Variants in BAP1 observed in about 807,000 individuals in gnomAD.
The protein encoded by BAP1 is ubiquitin carboxyl-terminal hydrolase BAP1.
BAP1 carries 16 observed loss-of-function variants against 77.2 expected under a neutral mutation model. The observed-to-expected ratio is 0.21, with a 90% confidence interval of 0.14 to 0.31. The LOEUF (loss-of-function observed/expected upper bound fraction) is 0.31, where lower values mean the gene tolerates loss of function less well. Among genes scored for constraint, BAP1 ranks in the 10% least tolerant of loss-of-function variants. The pLI, the probability that BAP1 is intolerant of heterozygous loss-of-function variation, is 1.00. For synonymous variants in BAP1, 362 were observed against 385.2 expected (o/e 0.94, Z 0.71); for missense variants, 699 against 967.3 (o/e 0.72, Z 3.68).
At chr3:52,408,919 AGG>A (rs1705256710) in intron 3 of BAP1, among the ~76,000 whole-genome samples, 2 of 152,262 alleles carry the variant, frequency 1.3e-5, no homozygotes, top group Non-Finnish European at 2.9e-5. Flanking sequence ...AGGATGGGAC[AGG>A]GTAGGAACAC....
rs1559586874 is a variant in BAP1 at position 52,403,719 on chromosome 3, C to T, written c.1426G>A (p.Val476Met). 2 of 1,614,076 alleles carry T rather than the reference C, an allele frequency of 1.2e-6. No individual in the cohort carries two copies. The highest frequency in any genetic ancestry group is 1.1e-5 in the South Asian group (1 of 91,084). The change falls in exon 13 of 17, where the codon GTG becomes ATG. Residue 476 changes from valine (V) to methionine (M), a missense_variant. Around this residue, in one of 3 missense-constraint regions of BAP1, gnomAD observed 475 missense variants for 532.4 expected, o/e 0.89. Coordinates refer to ENST00000460680, the MANE Select transcript of BAP1 (RefSeq NM_004656.4). This position sits in a 1 kb window ranked among gnomAD's most constrained non-coding sequence, Gnocchi z 4.0. The stretch of plus-strand genomic sequence containing the variant: ...GGCTGCGAGTGTGTGGGCACTGCCA[C>T]AGCCGGACTCCCAGCCCCGCTGCTA... ...KTSSGAGSPA[V>M]AVPTHSQPSP...
At position 52,402,639 on chromosome 3, in the gene BAP1, C is replaced by T. The variant is rs1189904602; in HGVS notation, c.2019G>A (p.Glu673=). ...DDQRRTHNYD[E]FICTFISMLA... ...GCATGGAGATAAAGGTGCAGATGAA[C>T]TCATCGTAGTTGTGGGTCCTTCTCT... Residue 673 remains glutamate (E), a synonymous_variant, in exon 16 of 17, where the codon GAG becomes GAA. Coordinates refer to ENST00000460680, the MANE Select transcript of BAP1 (RefSeq NM_004656.4). This position sits in a 1 kb window ranked among gnomAD's most constrained non-coding sequence, Gnocchi z 5.3. The T allele has an allele frequency of 1.2e-6, 2 of 1,614,116 alleles. No homozygotes were observed. The highest frequency in any genetic ancestry group is 1.7e-5 in the Admixed American group (1 of 60,008).
chr3:52,402,101 G>C lies in BAP1; in HGVS notation c.*187C>G. 3.9e-6 allele frequency: 4 copies of C among 1,019,444 alleles called. No individual in the cohort carries two copies. Among genetic ancestry groups the C allele is most frequent in the Non-Finnish European group, 5.7e-6 (4 of 706,400 alleles). 63.1% of individuals were successfully genotyped at this position (1,019,444 alleles called of 1,614,324 possible). ...GATGCTGCCTCCTGAGCACTATGGG[G>C]CTGATCTGCCGTGTCAGGCCTCAGG... On this transcript the variant is annotated 3_prime_UTR_variant, in exon 17 of 17. Transcript: ENST00000460680. This position sits in a 1 kb window ranked among gnomAD's most constrained non-coding sequence, Gnocchi z 5.3.
At chr3:52,409,361 C>T (rs1310061870) in intron 3 of BAP1, among the ~76,000 whole-genome samples, 193 bp downstream of exon 3, 1 of 152,170 alleles carries the variant, frequency 6.6e-6, no homozygotes, top group Non-Finnish European at 1.5e-5. Flanking sequence ...AAAAGGGAAG[C>T]GCTAAGGAAA....
Position 52,404,464 on chromosome 3 carries a change from G to T in BAP1, c.1239C>A (p.Asn413Lys). The T allele has an allele frequency of 1.9e-6, 3 of 1,614,256 alleles. No individual in the cohort carries two copies. The highest frequency in any genetic ancestry group is 2.5e-6 in the Non-Finnish European group (3 of 1,180,050). Residue 413 changes from asparagine to lysine, a missense_variant, in exon 12 of 17, where the codon AAC becomes AAA. Around this residue, in one of 3 missense-constraint regions of BAP1, gnomAD observed 475 missense variants for 532.4 expected, o/e 0.89. Transcript: ENST00000460680. ...AAAGCTGGGCTGACCTAAGGGCAGA[G>T]TTGGTGTTCTGCACGTCATCCTCCT... ...DDEEDDVQNT[N>K]SALRYKGKGT... is the part of the protein sequence containing the mutation.
chr3:52,406,580 A>T lies in BAP1; in HGVS notation c.660-204T>A. The T allele has an allele frequency of 1.1e-6, 1 of 932,480 alleles. No individual in the cohort carries two copies. Among genetic ancestry groups the T allele is most frequent in the Non-Finnish European group, 1.6e-6 (1 of 613,378 alleles). The allele number at this position is 932,480 out of a possible 1,614,324, so 57.8% of individuals were successfully genotyped here. On this transcript the variant is annotated intron_variant, in intron 8 of 16. Transcript: ENST00000460680. The surrounding 1 kb of genome is among the most constrained non-coding windows in gnomAD (Gnocchi z 4.6). Reference sequence around the variant, plus strand: ...CAAGCTGTATGAGGGGCCTATCTGGAAGTGAACCAGCAGACCTGGGCTGCC... The same window carrying T: ...CAAGCTGTATGAGGGGCCTATCTGGTAGTGAACCAGCAGACCTGGGCTGCC...
In BAP1 at chr3:52,402,560, TCAG is replaced by T. The variant is rs1473268320; in HGVS notation, c.2056+39_2056+41del. 6.2e-7 allele frequency: 1 copy of T among 1,613,424 alleles called. No individual in the cohort carries two copies. The highest frequency in any genetic ancestry group is 1.7e-5 in the Admixed American group (1 of 60,028). On this transcript the variant is annotated intron_variant, in intron 16 of 16. Transcript: ENST00000460680. The surrounding 1 kb of genome is among the most constrained non-coding windows in gnomAD (Gnocchi z 5.3). Reference sequence around the variant, plus strand: ...GGAGGGGAGCTGAAGGACACGGCCCTCAGCAGGGCATTCCAGTTAAGACAGCAG... The same window carrying T: ...GGAGGGGAGCTGAAGGACACGGCCCTCAGGGCATTCCAGTTAAGACAGCAG...
chr3:52,406,800 G>A lies in BAP1; in HGVS notation c.659+29C>T, dbSNP rs756270701. On this transcript the variant is annotated intron_variant, in intron 8 of 16. Coordinates refer to ENST00000460680, the MANE Select transcript of BAP1 (RefSeq NM_004656.4). The surrounding 1 kb of genome is among the most constrained non-coding windows in gnomAD (Gnocchi z 4.6). ...CCCAAAGTAGGTACAGCTCCAGAGA[G>A]TAGAACAGGGCAGGCACAGGGCCCT... 6.4e-7 allele frequency: 1 copy of A among 1,551,294 alleles called. No homozygotes were observed. Among genetic ancestry groups the A allele is most frequent in the South Asian group, 1.2e-5 (1 of 84,102 alleles).
In BAP1 at chr3:52,407,992, C is replaced by T. The variant is rs773494626; in HGVS notation, c.341G>A (p.Arg114His). ...GAAACCCTTGGTGAAGTCCTTCATGCGACTCAGGGTGGGTCCCAGGTCCAC... is the reference window on the plus strand; with the variant it reads ...GAAACCCTTGGTGAAGTCCTTCATGTGACTCAGGGTGGGTCCCAGGTCCAC... The part of the protein sequence containing the change: ...SSVDLGPTLS[R>H]MKDFTKGFSP... The change falls in exon 5 of 17, where the codon CGC (arginine) becomes CAC (histidine). Residue 114 changes from arginine to histidine, a missense_variant. Physicochemically the swap from Arg to His is conservative, Grantham distance 29. Transcript: ENST00000460680. 21 of 1,613,796 alleles carry T rather than the reference C, an allele frequency of 1.3e-5. No individual in the cohort carries two copies. Among genetic ancestry groups the T allele is most frequent in the South Asian group, 1.1e-5 (1 of 91,054 alleles).
chr3:52,405,597 T>C, intron 10 of BAP1, 168 bp downstream of exon 10: 2 of 1,073,578 alleles, frequency 1.9e-6, no homozygotes, highest in South Asian at 3.0e-5. Context: ...CAGCGGCCCT[T>C]TACAGGTGCC....
intron 5 of BAP1, 121 bp downstream of exon 5, chr3:52,407,837 C>T: frequency 6.8e-7 from 1 of 1,460,658 alleles, no homozygotes; most frequent in Non-Finnish European, 9.4e-7. Context: ...GTAACATAAA[C>T]AATCATTTGA....
chr3:52,402,218 G>A lies in BAP1; in HGVS notation c.*70C>T. On this transcript the variant is annotated 3_prime_UTR_variant, in exon 17 of 17. Transcript: ENST00000460680. The surrounding 1 kb of genome is among the most constrained non-coding windows in gnomAD (Gnocchi z 5.3). Reference sequence around the variant, plus strand: ...TTCAGTAATACTGGGAAAAGGGGAAGTGGGGCAGGGAAGGACCCTGGTGAG... The same window carrying A: ...TTCAGTAATACTGGGAAAAGGGGAAATGGGGCAGGGAAGGACCCTGGTGAG... 1.9e-6 allele frequency: 3 copies of A among 1,564,276 alleles called. No homozygotes were observed. Among genetic ancestry groups the A allele is most frequent in the Non-Finnish European group, 8.6e-7 (1 of 1,156,836 alleles).
In BAP1 at chr3:52,406,151, AAG is replaced by A. The variant is rs1283627944; in HGVS notation, c.783+100_783+101del. ...GTGGTTAGCTGAAGCCCAGATCTAC[AAG>A]AGAGTATGTTCACGAATCAGAGACA... On this transcript the variant is annotated intron_variant, in intron 9 of 16. Coordinates refer to ENST00000460680, the MANE Select transcript of BAP1 (RefSeq NM_004656.4). This position sits in a 1 kb window ranked among gnomAD's most constrained non-coding sequence, Gnocchi z 4.6. The A allele has an allele frequency of 6.9e-6, 11 of 1,596,580 alleles. No homozygotes were observed. Among genetic ancestry groups the A allele is most frequent in the African/African-American group, 2.7e-5 (2 of 74,752 alleles).
chr3:52,405,160 G>A lies in BAP1; in HGVS notation c.1066C>T (p.Arg356Trp), dbSNP rs761029538. ...TGATTGTCTAGAAAGGCCGGCAGCC[G>A]CTGGACAATGGGAGTGGGGTTGGGG... is the stretch of plus-strand genomic sequence containing the variant. ...VHPNPTPIVQ[R>W]LPAFLDNHNY... The change falls in exon 11 of 17, where the codon CGG becomes TGG. Residue 356 changes from arginine to tryptophan, a missense_variant. By Grantham distance (101) the Arg-to-Trp change is moderately radical. Coordinates refer to ENST00000460680, the MANE Select transcript of BAP1 (RefSeq NM_004656.4). 13 of 1,614,022 alleles carry A rather than the reference G, an allele frequency of 8.1e-6. No homozygotes were observed. The highest frequency in any genetic ancestry group is 1.6e-4 in the Middle Eastern group (1 of 6,084).
rs748765525 is a variant in BAP1 at position 52,406,924 on chromosome 3, C to A, written c.581-17G>T. ...CCCAGGGCCCTAGTGGAGACCAAGA[C>A]AAGGAATCAGCGAGAAGGAAACCCT... is the stretch of plus-strand genomic sequence containing the variant. On this transcript the variant is annotated splice_polypyrimidine_tract_variant and intron_variant, in intron 7 of 16. Coordinates refer to ENST00000460680, the MANE Select transcript of BAP1 (RefSeq NM_004656.4). This position sits in a 1 kb window ranked among gnomAD's most constrained non-coding sequence, Gnocchi z 4.6. 17 of 1,566,190 alleles carry A rather than the reference C, an allele frequency of 1.1e-5. No individual in the cohort carries two copies. Among genetic ancestry groups the A allele is most frequent in the Non-Finnish European group, 1.4e-5 (16 of 1,154,506 alleles).
intron 12 of BAP1, 123 bp downstream of exon 12, chr3:52,404,330 G>T: frequency 6.5e-7 from 1 of 1,543,686 alleles, no homozygotes; most frequent in Non-Finnish European, 8.9e-7. Flanking sequence ...GCCTCCCCCA[G>T]GGCCCCAAAC....
rs1335001283 is a variant in BAP1 at position 52,403,531 on chromosome 3, C to T, written c.1614G>A (p.Leu538=). ...TGTAGCGTATGCAGTCAACACGCAGCAGGCTGTCATCCTCTCCAAAAAGCA... is the reference window on the plus strand; with the variant it reads ...TGTAGCGTATGCAGTCAACACGCAGTAGGCTGTCATCCTCTCCAAAAAGCA... ...SKVLFGEDDS[L]LRVDCIRYNR... Residue 538 remains leucine, a synonymous_variant, in exon 13 of 17, where the codon CTG becomes CTA. Coordinates refer to ENST00000460680, the MANE Select transcript of BAP1 (RefSeq NM_004656.4). This position sits in a 1 kb window ranked among gnomAD's most constrained non-coding sequence, Gnocchi z 4.0. 1.4e-5 allele frequency: 23 copies of T among 1,614,020 alleles called. No individual in the cohort carries two copies. The highest frequency in any genetic ancestry group is 1.9e-5 in the Non-Finnish European group (22 of 1,180,022).
chr3:52,401,656 A>T lies in BAP1; in HGVS notation c.*632T>A, dbSNP rs1031405323. 14 of 237,420 alleles carry T rather than the reference A, an allele frequency of 5.9e-5. No homozygotes were observed. The highest frequency in any genetic ancestry group is 3.1e-4 in the African/African-American group (14 of 45,370). The allele number at this position is 237,420 out of a possible 1,614,324, so 14.7% of individuals were successfully genotyped here. On this transcript the variant is annotated 3_prime_UTR_variant, in exon 17 of 17. Transcript: ENST00000460680. Reference sequence around the variant, plus strand: ...GGGATCCCAGCAGCCTGCTCACCCCAACCCCACTGGGACACCCTACTCCCA... The same window carrying T: ...GGGATCCCAGCAGCCTGCTCACCCCTACCCCACTGGGACACCCTACTCCCA...
In BAP1 at chr3:52,406,167, G is replaced by A. The variant is rs939485844; in HGVS notation, c.783+86C>T. 8.8e-6 allele frequency: 14 copies of A among 1,599,966 alleles called. No individual in the cohort carries two copies. The highest frequency in any genetic ancestry group is 3.3e-5 in the South Asian group (3 of 90,284). ...CAGATCTACAAGAGAGTATGTTCAC[G>A]AATCAGAGACAAATGCTGTGGGGGA... On this transcript the variant is annotated intron_variant, in intron 9 of 16. Coordinates refer to ENST00000460680, the MANE Select transcript of BAP1 (RefSeq NM_004656.4). The surrounding 1 kb of genome is among the most constrained non-coding windows in gnomAD (Gnocchi z 4.6).
Sources: allele counts gnomAD v4.1 joint callset (sites outside exome capture counted in the v4.1 genomes callset), GRCh38; gene constraint gnomAD v4.1.1; regional missense constraint gnomAD v4.1.1; non-coding constraint Gnocchi (gnomAD v3.1); transcripts MANE v1.5; gene names NCBI Gene and HGNC (gene_info 2026-07-23, HGNC 2026-07-21).